ZMAT4: variants seen among roughly 807,000 people sequenced by gnomAD.
The protein encoded by ZMAT4 is zinc finger matrin-type 4, also known as zinc finger matrin-type protein 4.
A neutral mutation model predicts 28.7 loss-of-function variants in ZMAT4; 17 were observed. The observed-to-expected ratio is 0.59, with a 90% CI of 0.41 to 0.89. ZMAT4 has a LOEUF of 0.89. ZMAT4 is among the 40% of genes least tolerant of loss of function. ZMAT4 has a pLI of 0.00. For synonymous variants in ZMAT4, 117 were observed against 109.2 expected (o/e 1.07, Z -0.44); for missense variants, 240 against 283.8 (o/e 0.85, Z 1.11).
chr8:40,853,350 T>C (rs1192186268), intron 1 of ZMAT4, among the ~76,000 whole-genome samples: 1 of 151,990 alleles, frequency 6.6e-6, no homozygotes, highest in Non-Finnish European at 1.5e-5. Context: ...AGGTCAGGAG[T>C]TCGAGACCAG....
intron 2 of ZMAT4, among the ~76,000 whole-genome samples, chr8:40,787,481 A>G (rs1012742393): frequency 2.6e-5 from 4 of 152,268 alleles, no homozygotes; most frequent in African/African-American, 4.8e-5. Context: ...CATGGATGGA[A>G]GATTTATTCT....
chr8:40,750,427 C>T (rs1016808606), intron 3 of ZMAT4, among the ~76,000 whole-genome samples: 4 of 152,166 alleles, frequency 2.6e-5, no homozygotes, highest in South Asian at 4.2e-4. Flanking sequence ...TGAAGACTCA[C>T]GGTGCTATGT....
intron 3 of ZMAT4, among the ~76,000 whole-genome samples, chr8:40,727,249 T>C (rs1434861490): frequency 2.0e-5 from 3 of 152,134 alleles, no homozygotes; most frequent in Non-Finnish European, 4.4e-5. Context: ...CTGCCAGAGT[T>C]CTCGTCATCT....
intron 5 of ZMAT4, among the ~76,000 whole-genome samples, chr8:40,672,229 T>C (rs1308970623): frequency 4.6e-5 from 7 of 152,208 alleles, no homozygotes; most frequent in Admixed American, 6.6e-5. Flanking sequence ...ATTAAAGTCA[T>C]GGATATGCCT....
intron 4 of ZMAT4, among the ~76,000 whole-genome samples, chr8:40,676,315 G>A (rs903370016): frequency 2.0e-5 from 3 of 151,994 alleles, no homozygotes; most frequent in African/African-American, 7.3e-5. Flanking sequence ...TTTCATATAG[G>A]ATTTCATTAA....
At chr8:40,760,553 G>A (rs1354763026) in intron 3 of ZMAT4, among the ~76,000 whole-genome samples, 1 of 152,166 alleles carries the variant, frequency 6.6e-6, no homozygotes, top group African/African-American at 2.4e-5. Context: ...TACAAAATCT[G>A]CAATGAAAGA....
At chr8:40,841,207 C>A (rs979845970) in intron 1 of ZMAT4, among the ~76,000 whole-genome samples, 1 of 152,222 alleles carries the variant, frequency 6.6e-6, no homozygotes, top group Non-Finnish European at 1.5e-5. Context: ...AAATGAGGAG[C>A]TGGCCCCAGT....
chr8:40,644,975 A>G (rs771243411), intron 5 of ZMAT4, among the ~76,000 whole-genome samples: 2 of 152,316 alleles, frequency 1.3e-5, no homozygotes, highest in Non-Finnish European at 2.9e-5. Context: ...ACAACAAGGA[A>G]AGCCTATGAA....
intron 1 of ZMAT4, among the ~76,000 whole-genome samples, chr8:40,877,438 C>A (rs967876630): frequency 1.5e-4 from 23 of 152,186 alleles, no homozygotes; most frequent in Non-Finnish European, 2.9e-4. Flanking sequence ...AAGGCTGGAA[C>A]GATTGGCTGC....
chr8:40,895,157 GA>G (rs1818826492), intron 1 of ZMAT4, among the ~76,000 whole-genome samples: 1 of 32,104 alleles, frequency 3.1e-5, no homozygotes, highest in African/African-American at 9.3e-5. Flanking sequence ...GTGGTTAAAA[GA>G]GAGAGAGATC....
At chr8:40,587,824 G>T (rs1307534023) in intron 5 of ZMAT4, among the ~76,000 whole-genome samples, 1 of 151,930 alleles carries the variant, frequency 6.6e-6, no homozygotes, top group Admixed American at 6.6e-5. Flanking sequence ...AAAACTATCA[G>T]ACTAGACAAA....
At chr8:40,809,107 C>A (rs150217410) in intron 2 of ZMAT4, among the ~76,000 whole-genome samples, 116 of 152,238 alleles carry the variant, frequency 7.6e-4, no homozygotes, top group Middle Eastern at 3.4e-3. Flanking sequence ...GTGGTACATA[C>A]ACAGCATGGA....
At chr8:40,670,231 T>C (rs915735813) in intron 5 of ZMAT4, among the ~76,000 whole-genome samples, 2 of 152,164 alleles carry the variant, frequency 1.3e-5, no homozygotes, top group African/African-American at 4.8e-5. Flanking sequence ...TGTCCAGATA[T>C]AGGCTCACAC....
At chr8:40,866,037 A>G (rs967062472) in intron 1 of ZMAT4, among the ~76,000 whole-genome samples, 3 of 152,246 alleles carry the variant, frequency 2.0e-5, no homozygotes, top group African/African-American at 7.2e-5. Flanking sequence ...GGCTGAAAGC[A>G]GGGATCAACA....
At chr8:40,637,077 A>C (rs956025583) in intron 5 of ZMAT4, among the ~76,000 whole-genome samples, 1 of 141,660 alleles carries the variant, frequency 7.1e-6, no homozygotes, top group African/African-American at 2.5e-5. Context: ...AATATAAAAA[A>C]TAATGAAATA....
Position 40,531,528 on chromosome 8 carries a change from G to A in ZMAT4, c.*695C>T, listed in dbSNP as rs1802693757. On this transcript the variant is annotated 3_prime_UTR_variant, in exon 7 of 7. Coordinates refer to ENST00000297737, the MANE Select transcript of ZMAT4 (RefSeq NM_024645.3). ...GCCTAAGAAGATCATCATGCAGGCA[G>A]ACTAATTCTTTTCCTAAGCTATTAT... 1 of 152,638 alleles carries A rather than the reference G, an allele frequency of 6.6e-6. No homozygotes were observed. The highest frequency in any genetic ancestry group is 2.1e-4 in the South Asian group (1 of 4,832). 9.5% of individuals were successfully genotyped at this position (152,638 alleles called of 1,614,324 possible). A position where few individuals can be genotyped will look rare whatever the true frequency, so the allele number is the denominator to read the frequency against.
intron 5 of ZMAT4, among the ~76,000 whole-genome samples, chr8:40,662,874 C>T (rs529291224): frequency 2.0e-5 from 3 of 152,254 alleles, no homozygotes; most frequent in East Asian, 1.9e-4. Context: ...GAATAGTGCA[C>T]CAAGAAATAT....
At chr8:40,727,209 T>G (rs965955198) in intron 3 of ZMAT4, among the ~76,000 whole-genome samples, 1 of 152,232 alleles carries the variant, frequency 6.6e-6, no homozygotes, top group African/African-American at 2.4e-5. Flanking sequence ...TTTGTGCTTC[T>G]GCCTAACTCT....
At chr8:40,823,994 G>T (rs966115331) in intron 2 of ZMAT4, among the ~76,000 whole-genome samples, 1 of 152,124 alleles carries the variant, frequency 6.6e-6, no homozygotes, top group East Asian at 1.9e-4. Flanking sequence ...ATTTTCACAG[G>T]TACAATTTCG....
Sources: allele counts gnomAD v4.1 joint callset (sites outside exome capture counted in the v4.1 genomes callset), GRCh38; gene constraint gnomAD v4.1.1; transcripts MANE v1.5; gene names NCBI Gene and HGNC (gene_info 2026-07-23, HGNC 2026-07-21).